WDR12: variants seen among roughly 807,000 people sequenced by gnomAD.
WDR12 encodes the protein ribosome biogenesis protein WDR12.
In WDR12, 42 loss-of-function variants were observed where a neutral mutation model predicts 64.3. The ratio of observed to expected loss-of-function variants is 0.65; its 90% CI spans 0.51 to 0.84. WDR12 has a LOEUF of 0.84. WDR12 is among the 40% of genes least tolerant of loss of function. The probability of loss-of-function intolerance (pLI) is 0.00; values close to 1 mark genes in which losing one functional copy is unlikely to be tolerated. For missense variants in WDR12, 469 were observed against 494.6 expected (o/e 0.95, Z 0.49); for synonymous variants, 158 against 173.3 (o/e 0.91, Z 0.70).
At chr2:202,906,405 T>C (rs550291320) in intron 2 of WDR12, among the ~76,000 whole-genome samples, 1 of 152,254 alleles carries the variant, frequency 6.6e-6, no homozygotes, top group East Asian at 1.9e-4. Context: ...GCCAATAAAG[T>C]TGCTCAAAAA....
At chr2:202,882,178 C>T (rs1164824778) in intron 12 of WDR12, among the ~76,000 whole-genome samples, 4 of 152,086 alleles carry the variant, frequency 2.6e-5, no homozygotes, top group African/African-American at 9.7e-5. Flanking sequence ...AATCTTCCCC[C>T]TTTCCCTCCC....
At position 202,900,406 on chromosome 2, in the gene WDR12, C is replaced by T. The variant is rs1688328797; in HGVS notation, c.231+619G>A. Among the ~76,000 whole-genome samples the T allele has an allele frequency of 3.3e-5, 5 of 151,564 alleles. No individual in the cohort carries two copies. The South Asian group carries it at 1.0e-3, about 32-fold the overall frequency. ...AGCACATTGTTTAATGGGTACAGGT[C>T]TTCTGTTTAGGATAAGGAAACAATT... On this transcript the variant is annotated intron_variant, in intron 3 of 12. Transcript: ENST00000261015.
chr2:202,884,879 C>A (rs1289873087), intron 8 of WDR12, among the ~76,000 whole-genome samples: 1 of 152,236 alleles, frequency 6.6e-6, no homozygotes, highest in Non-Finnish European at 1.5e-5. Flanking sequence ...TTAACTCTCC[C>A]AGCTGACAAA....
At chr2:202,896,017 G>C in intron 6 of WDR12, 48 bp downstream of exon 6, 2 of 1,580,740 alleles carry the variant, frequency 1.3e-6, no homozygotes, top group Non-Finnish European at 1.7e-6. Context: ...TTAGCAACAA[G>C]CTCAAATTCA....
intron 11 of WDR12, chr2:202,883,002 AT>A (rs1208492421): frequency 4.3e-6 from 2 of 463,586 alleles, no homozygotes; most frequent in Admixed American, 3.7e-5. Flanking sequence ...TCAGAAAAAA[AT>A]GTTATTTCAT....
At chr2:202,911,264 C>T (rs973165819) in intron 1 of WDR12, among the ~76,000 whole-genome samples, 172 bp downstream of exon 1, 1 of 152,126 alleles carries the variant, frequency 6.6e-6, no homozygotes. Context: ...CAGCCTCCTC[C>T]ACACTCACAA....
intron 8 of WDR12, among the ~76,000 whole-genome samples, chr2:202,890,996 TAAA>T (rs71030997): frequency 5.4e-5 from 6 of 111,172 alleles, no homozygotes; most frequent in South Asian, 3.2e-4. Context: ...TTTGTCTCTT[TAAA>T]AAAAAAAAAA....
chr2:202,895,863 A>T lies in WDR12; in HGVS notation c.609+202T>A, dbSNP rs911245655. The T allele has an allele frequency of 1.1e-5, 6 of 527,826 alleles. No individual in the cohort carries two copies. The African/African-American group carries it at 1.2e-4, about 10-fold the overall frequency. 32.7% of individuals were successfully genotyped at this position (527,826 alleles called of 1,614,324 possible). ...ATTTCTTAAAATTTCTGGAGTTTAT[A>T]TAAGGTTCTAAACCAGGGATTCAAA... On this transcript the variant is annotated intron_variant, in intron 6 of 12. Transcript: ENST00000261015.
chr2:202,900,939 A>G, intron 3 of WDR12, 86 bp downstream of exon 3: 2 of 1,053,568 alleles, frequency 1.9e-6, no homozygotes, highest in Non-Finnish European at 2.8e-6. Flanking sequence ...TACTAAAGAT[A>G]GATTCAGTGT....
At chr2:202,900,904 C>G in intron 3 of WDR12, 121 bp downstream of exon 3, 1 of 685,106 alleles carries the variant, frequency 1.5e-6, no homozygotes. Flanking sequence ...ACATATATAG[C>G]CAATATATTA....
intron 10 of WDR12, 125 bp downstream of exon 10, chr2:202,884,073 A>G (rs1688002653): frequency 2.1e-6 from 2 of 938,390 alleles, no homozygotes; most frequent in African/African-American, 1.7e-5. Context: ...GGCCTCTCAA[A>G]GTGCTGGGAT....
In WDR12 at chr2:202,874,950, T is replaced by G. The variant is rs1687831658; in HGVS notation, c.*5910A>C. On this transcript the variant is annotated 3_prime_UTR_variant, in exon 13 of 13. Coordinates refer to ENST00000261015, the MANE Select transcript of WDR12 (RefSeq NM_018256.4). ...GAAACCACTGAACTTCATCTGGTATTAAGTCTCAGCCATGTTATTACACTT... is the reference window on the plus strand; with the variant it reads ...GAAACCACTGAACTTCATCTGGTATGAAGTCTCAGCCATGTTATTACACTT... The G allele has an allele frequency of 6.6e-6, 1 of 152,244 alleles. No individual in the cohort carries two copies. Among genetic ancestry groups the G allele is most frequent in the African/African-American group, 2.4e-5 (1 of 41,464 alleles). The allele number at this position is 152,244 out of a possible 1,614,324, so 9.4% of individuals were successfully genotyped here.
At chr2:202,888,012 A>G (rs1324120666) in intron 8 of WDR12, among the ~76,000 whole-genome samples, 3 of 152,234 alleles carry the variant, frequency 2.0e-5, no homozygotes, top group African/African-American at 7.2e-5. Flanking sequence ...GGTTCACACA[A>G]AAACCTAAAT....
rs376756439 is a variant in WDR12, at chr2:202,896,053, C to T, written c.609+12G>A. ...AATTTAACAGAGTACTAATAATATT[C>T]TAGCTACTTACTTTAGTTCCTGAGC... On this transcript the variant is annotated intron_variant, in intron 6 of 12. Coordinates refer to ENST00000261015, the MANE Select transcript of WDR12 (RefSeq NM_018256.4). 3.1e-6 allele frequency: 5 copies of T among 1,608,788 alleles called. No homozygotes were observed. Among genetic ancestry groups the T allele is most frequent in the Non-Finnish European group, 4.2e-6 (5 of 1,178,558 alleles).
chr2:202,897,482 G>A, intron 4 of WDR12, 67 bp from the exon 5 acceptor site: 2 of 840,632 alleles, frequency 2.4e-6, no homozygotes, highest in South Asian at 3.9e-5. Flanking sequence ...TGTTTCTTTG[G>A]CAATGACAAA....
intron 2 of WDR12, among the ~76,000 whole-genome samples, chr2:202,904,138 CAAAAAAAAAA>C (rs34378996): frequency 5.2e-5 from 2 of 38,534 alleles, no homozygotes; most frequent in Admixed American, 7.4e-4. Flanking sequence ...AACTCTGTCT[CAAAAAAAAAA>C]AAAAAAAAAA....
intron 8 of WDR12, among the ~76,000 whole-genome samples, chr2:202,889,868 G>A (rs1010580670): frequency 4.0e-5 from 6 of 151,476 alleles, no homozygotes; most frequent in African/African-American, 1.5e-4. Context: ...GCTGAGCCAT[G>A]ATTATGCCAC....
Position 202,878,209 on chromosome 2 carries a change from T to C in WDR12, c.*2651A>G, listed in dbSNP as rs1687895380. ...GTTCTGGATGCCATTTTATTCTTTG[T>C]CTATGCATCTGATATATAGGCTTCT... On this transcript the variant is annotated 3_prime_UTR_variant, in exon 13 of 13. Transcript: ENST00000261015. 6.6e-6 allele frequency: 1 copy of C among 152,254 alleles called. No homozygotes were observed. The highest frequency in any genetic ancestry group is 6.5e-5 in the Admixed American group (1 of 15,284). The allele number at this position is 152,254 out of a possible 1,614,324, so 9.4% of individuals were successfully genotyped here.
In WDR12 at chr2:202,876,560, T is replaced by C. The variant is rs531889610; in HGVS notation, c.*4300A>G. 3.3e-5 allele frequency: 5 copies of C among 152,336 alleles called. No homozygotes were observed. The highest frequency in any genetic ancestry group is 4.4e-5 in the Non-Finnish European group (3 of 68,030). 9.4% of individuals were successfully genotyped at this position (152,336 alleles called of 1,614,324 possible). A position where few individuals can be genotyped will look rare whatever the true frequency, so the allele number is the denominator to read the frequency against. On this transcript the variant is annotated 3_prime_UTR_variant, in exon 13 of 13. Coordinates refer to ENST00000261015, the MANE Select transcript of WDR12 (RefSeq NM_018256.4). ...AGTGGCTTTTTAAATAAAAAAGATA[T>C]TATTGGAATATCCCTTGCATATAGT...
Sources: allele counts gnomAD v4.1 joint callset (sites outside exome capture counted in the v4.1 genomes callset), GRCh38; gene constraint gnomAD v4.1.1; transcripts MANE v1.5; gene names NCBI Gene and HGNC (gene_info 2026-07-23, HGNC 2026-07-21).